The following PCM1 variants were observed in gnomAD, a reference collection of about 807,000 sequenced individuals.
PCM1 encodes pericentriolar material 1.
In PCM1, 157 loss-of-function variants were observed where a neutral mutation model predicts 241.9. The ratio of observed to expected loss-of-function variants is 0.65; its 90% CI spans 0.57 to 0.74. PCM1 has a LOEUF of 0.74. Among genes scored for constraint, PCM1 ranks in the 30% least tolerant of loss-of-function variants. The pLI is 0.00. For missense variants in PCM1, 3,478 were observed against 2,360.1 expected (o/e 1.47, Z -9.81); for synonymous variants, 1,085 against 784.9 (o/e 1.38, Z -6.39).
intron 28 of PCM1, among the ~76,000 whole-genome samples, chr8:17,992,995 C>T (rs2129479514): frequency 6.8e-6 from 1 of 147,042 alleles, no homozygotes; most frequent in South Asian, 2.1e-4. Flanking sequence ...GGTATTAGTC[C>T]TTTGTCAGAT....
Position 18,011,358 on chromosome 8 carries a change from T to C in PCM1, c.5342T>C (p.Val1781Ala), listed in dbSNP as rs773017439. 5 of 1,590,414 alleles carry C rather than the reference T, an allele frequency of 3.1e-6. No individual in the cohort carries two copies. The highest frequency in any genetic ancestry group is 1.2e-5 in the South Asian group (1 of 86,188). Residue 1781 changes from valine to alanine, a missense_variant, in exon 33 of 39, where the codon GTG (valine) becomes GCG (alanine). Transcript: ENST00000325083. ...GATGAAGAAAGTGAAGGATGTCCAG[T>C]GTCTATTAGTAAGTTTAAAGGCTCT... ...EEDEESEGCP[V>A]SINLSKAETQ... is the part of the protein sequence containing the mutation.
intron 29 of PCM1, among the ~76,000 whole-genome samples, chr8:18,000,087 GA>G (rs1176199513): frequency 6.6e-6 from 1 of 152,164 alleles, no homozygotes; most frequent in African/African-American, 2.4e-5. Flanking sequence ...TATATTGGAT[GA>G]TCAGGGAAAG....
chr8:18,011,530 A>C (rs1349761784), intron 33 of PCM1, 137 bp from the exon 34 acceptor site: 6 of 1,072,556 alleles, frequency 5.6e-6, no homozygotes, highest in Non-Finnish European at 7.8e-6. Flanking sequence ...CTGCACTGTA[A>C]GTTTTTAATA....
At chr8:17,987,908 T>C (rs1168684142) in intron 26 of PCM1, among the ~76,000 whole-genome samples, 1 of 151,836 alleles carries the variant, frequency 6.6e-6, no homozygotes, top group East Asian at 1.9e-4. Context: ...GTGTTTTTTG[T>C]ATTGGACAGA....
chr8:18,014,013 T>C lies in PCM1; in HGVS notation c.5561T>C (p.Leu1854Ser). The C allele has an allele frequency of 6.2e-7, 1 of 1,601,202 alleles. No individual in the cohort carries two copies. The change falls in exon 35 of 39, where the codon TTG becomes TCG. Residue 1854 changes from leucine (L) to serine (S), a missense_variant. Physicochemically the swap from Leu to Ser is moderately radical, Grantham distance 145. Coordinates refer to ENST00000325083, the MANE Select transcript of PCM1 (RefSeq NM_006197.4). The stretch of plus-strand genomic sequence containing the variant: ...ACAGCAGAAAGCAAAAATGTCCCAT[T>C]GGAACGAGAAGCCACTAGTAAAAGT... Reference protein sequence around the residue: ...KKTAESKNVPLEREATSKNDQ... With the variant: ...KKTAESKNVPSEREATSKNDQ...
chr8:17,939,213 C>G (rs1172316902), intron 5 of PCM1, among the ~76,000 whole-genome samples: 3 of 152,108 alleles, frequency 2.0e-5, no homozygotes, highest in Admixed American at 6.5e-5. Flanking sequence ...ATGGCATATT[C>G]AGGTTAGTTA....
At chr8:18,020,104 C>A (rs1016444999) in intron 36 of PCM1, among the ~76,000 whole-genome samples, 1 of 152,076 alleles carries the variant, frequency 6.6e-6, no homozygotes, top group Non-Finnish European at 1.5e-5. Flanking sequence ...ATAAACCTGG[C>A]CTTATAACCC....
At position 18,011,611 on chromosome 8, in the gene PCM1, C is replaced by T. The variant is rs2092525008; in HGVS notation, c.5351-56C>T. The stretch of plus-strand genomic sequence containing the variant: ...CATGCAGGAATGCAGTAAGTGGTAG[C>T]TATTGTTAAGATTATGTGCTGAAAT... On this transcript the variant is annotated intron_variant, in intron 33 of 38. Transcript: ENST00000325083. 4 of 1,461,614 alleles carry T rather than the reference C, an allele frequency of 2.7e-6. No individual in the cohort carries two copies. The South Asian group carries it at 5.2e-5, about 19-fold the overall frequency. The allele number at this position is 1,461,614 out of a possible 1,614,324, so 90.5% of individuals were successfully genotyped here.
intron 7 of PCM1, 42 bp downstream of exon 7, chr8:17,947,405 C>G: frequency 1.4e-6 from 2 of 1,383,320 alleles, no homozygotes; most frequent in South Asian, 1.4e-5. Flanking sequence ...AAGGAAGACT[C>G]ATACATAATT....
chr8:17,988,268 GGAC>G (rs1424744819), intron 26 of PCM1, among the ~76,000 whole-genome samples: 1 of 151,572 alleles, frequency 6.6e-6, no homozygotes, highest in Admixed American at 6.6e-5. Context: ...CTTTAATCAG[GGAC>G]AAATGTTTGA....
At chr8:17,994,757 G>A (rs374470061) in intron 29 of PCM1, among the ~76,000 whole-genome samples, 3 of 146,274 alleles carry the variant, frequency 2.1e-5, no homozygotes, top group South Asian at 2.1e-4. Context: ...ATGATTTCTC[G>A]TTGTAGTTTT....
chr8:17,934,469 C>G (rs946449887), intron 2 of PCM1, among the ~76,000 whole-genome samples: 5 of 152,180 alleles, frequency 3.3e-5, no homozygotes, highest in Middle Eastern at 3.4e-3. Context: ...CCATGTTGGC[C>G]AGGCTGGTCT....
chr8:18,026,604 ATAACTC>A (rs1362037547), intron 38 of PCM1, among the ~76,000 whole-genome samples: 1 of 152,230 alleles, frequency 6.6e-6, no homozygotes, highest in South Asian at 2.1e-4. Flanking sequence ...TTAGGAGACT[ATAACTC>A]TAAATATTAT....
chr8:17,939,075 G>C, intron 5 of PCM1, 66 bp downstream of exon 5: 7 of 1,534,074 alleles, frequency 4.6e-6, no homozygotes, highest in Non-Finnish European at 6.2e-6. Flanking sequence ...GTAAGGTTTA[G>C]AAAATTAGGT....
At chr8:18,025,133 C>CTT (rs58967642) in intron 36 of PCM1, 9,700 of 157,256 alleles carry the variant, frequency 0.062, 1,111 homozygotes, top group African/African-American at 0.23. Flanking sequence ...GCCCCCCTGC[C>CTT]TTTTTTTTTT....
At chr8:17,992,755 T>A (rs1441287559) in intron 28 of PCM1, among the ~76,000 whole-genome samples, 2 of 151,910 alleles carry the variant, frequency 1.3e-5, no homozygotes, top group Non-Finnish European at 1.5e-5. Context: ...TAGCAGGCAT[T>A]GTAGGCATGT....
chr8:18,026,056 C>T lies in PCM1; in HGVS notation c.6049+398C>T, dbSNP rs531677198. Among the ~76,000 whole-genome samples, 14 of 147,528 alleles carry T rather than the reference C, an allele frequency of 9.5e-5. No individual in the cohort carries two copies. The East Asian group carries it at 2.6e-3, about 27-fold the overall frequency. On this transcript the variant is annotated intron_variant, in intron 38 of 38. Coordinates refer to ENST00000325083, the MANE Select transcript of PCM1 (RefSeq NM_006197.4). ...GCGGGCGCCTGTAGTGCCAGCTACT[C>T]GGGAGGCTGAGGCAGGAGAATGGCG...
intron 5 of PCM1, among the ~76,000 whole-genome samples, chr8:17,939,314 T>G (rs1231612125): frequency 2.0e-5 from 3 of 152,178 alleles, no homozygotes; most frequent in African/African-American, 7.2e-5. Context: ...TTGTAGGAAT[T>G]TTTTAAAATG....
intron 36 of PCM1, chr8:18,015,551 G>A (rs190380643): frequency 6.6e-6 from 1 of 151,980 alleles, no homozygotes; most frequent in Non-Finnish European, 1.5e-5. Context: ...TGCAAACCAA[G>A]CAAATAATTT....
Sources: gnomAD v4.1 joint callset for allele counts (sites outside exome capture counted in the v4.1 genomes callset) on GRCh38, gnomAD v4.1.1 for gene constraint, MANE v1.5 for transcripts, NCBI Gene and HGNC (gene_info 2026-07-23, HGNC 2026-07-21) for gene names.